ADAM10: variants seen among roughly 807,000 people sequenced by gnomAD.
ADAM10 encodes disintegrin and metalloproteinase domain-containing protein 10.
ADAM10 carries 17 observed loss-of-function variants against 90.1 expected under a neutral mutation model. The observed-to-expected ratio is 0.19, with a 90% CI of 0.13 to 0.28. The LOEUF (loss-of-function observed/expected upper bound fraction) is 0.28, where lower values mean the gene tolerates loss of function less well. ADAM10 is among the 10% of genes least tolerant of loss of function. ADAM10 has a pLI of 1.00. For synonymous variants in ADAM10, 310 were observed against 298.6 expected (o/e 1.04, Z -0.40); for missense variants, 610 against 914.3 (o/e 0.67, Z 4.29).
chr15:58,730,940 T>G (rs1899215446), intron 1 of ADAM10, among the ~76,000 whole-genome samples: 1 of 152,166 alleles, frequency 6.6e-6, no homozygotes, highest in African/African-American at 2.4e-5. Context: ...TCCCAGACAT[T>G]AAGACTAAAA....
chr15:58,682,083 A>T, intron 3 of ADAM10, 113 bp downstream of exon 3: 1 of 1,464,440 alleles, frequency 6.8e-7, no homozygotes, highest in South Asian at 1.2e-5. Context: ...TATGAATTCA[A>T]CCTCCTCTGG....
At chr15:58,598,265 G>T (rs535631090) in intron 15 of ADAM10, among the ~76,000 whole-genome samples, 29 of 152,326 alleles carry the variant, frequency 1.9e-4, no homozygotes, top group African/African-American at 6.5e-4. Flanking sequence ...CACTTAAAAT[G>T]AAACCAACAT....
At chr15:58,641,591 T>C (rs541864285) in intron 7 of ADAM10, among the ~76,000 whole-genome samples, 48 of 152,314 alleles carry the variant, frequency 3.2e-4, no homozygotes, top group African/African-American at 1.1e-3. Context: ...TTCCAGAATG[T>C]TTCTTTTGAT....
At chr15:58,655,565 A>G (rs937764861) in intron 5 of ADAM10, 1 of 150,750 alleles carries the variant, frequency 6.6e-6, no homozygotes, top group Admixed American at 6.6e-5. Flanking sequence ...ATTACAATTC[A>G]ACAGAAGGTT....
At position 58,693,410 on chromosome 15, in the gene ADAM10, T is replaced by C. The variant is rs565958150; in HGVS notation, c.207-11096A>G. ...CAGTAACCAAACAGTGGCATAAAAA[T>C]ATAGACAGATCAATGAAATGAAAGA... is the stretch of plus-strand genomic sequence containing the variant. On this transcript the variant is annotated intron_variant, in intron 2 of 15. Transcript: ENST00000260408. 4.9e-4 allele frequency among the ~76,000 whole-genome samples: 74 copies of C among 152,278 alleles called. 1 individual carries two copies. In the South Asian group the frequency reaches 0.015, roughly 31 times the overall value.
At chr15:58,744,679 G>A (rs1899728445) in intron 1 of ADAM10, among the ~76,000 whole-genome samples, 1 of 152,168 alleles carries the variant, frequency 6.6e-6, no homozygotes, top group African/African-American at 2.4e-5. Flanking sequence ...TGTGTCTACA[G>A]TAAATTTTCC....
intron 2 of ADAM10, among the ~76,000 whole-genome samples, chr15:58,688,151 G>A (rs532656839): frequency 3.0e-4 from 46 of 152,204 alleles, no homozygotes; most frequent in African/African-American, 1.0e-3. Flanking sequence ...GAACACTGAG[G>A]GAGACTGGGG....
chr15:58,637,690 CTGTG>C (rs200725964), intron 8 of ADAM10, among the ~76,000 whole-genome samples: 2 of 151,232 alleles, frequency 1.3e-5, no homozygotes, highest in Non-Finnish European at 3.0e-5. Context: ...TAAGATGTTA[CTGTG>C]TGTGTGTGTG....
At chr15:58,731,053 T>G (rs150048741) in intron 1 of ADAM10, among the ~76,000 whole-genome samples, 85 of 152,292 alleles carry the variant, frequency 5.6e-4, no homozygotes, top group African/African-American at 2.0e-3. Context: ...TAATAAATCC[T>G]CTCTCATGTA....
intron 2 of ADAM10, among the ~76,000 whole-genome samples, chr15:58,686,012 G>A (rs915996419): frequency 3.9e-5 from 6 of 152,066 alleles, no homozygotes; most frequent in Non-Finnish European, 5.9e-5. Context: ...TGAAACAACT[G>A]CTTTCAGACA....
intron 3 of ADAM10, among the ~76,000 whole-genome samples, chr15:58,681,079 G>A (rs1439669005): frequency 1.3e-5 from 2 of 152,134 alleles, no homozygotes; most frequent in African/African-American, 2.4e-5. Flanking sequence ...CCAAAGCACT[G>A]GGATTACAGG....
rs1337567439 is a variant in ADAM10, at chr15:58,596,747, GA to G, written c.*799del. ...ACCAGACATCTACATCATGAACTCT[GA>G]AGTAGTATGTGCTGCTATGTCCAGT... On this transcript the variant is annotated 3_prime_UTR_variant, in exon 16 of 16. Transcript: ENST00000260408. 1 of 152,230 alleles carries G rather than the reference GA, an allele frequency of 6.6e-6. No individual in the cohort carries two copies. Among genetic ancestry groups the G allele is most frequent in the Non-Finnish European group, 1.5e-5 (1 of 68,044 alleles). The allele number at this position is 152,230 out of a possible 1,614,324, so 9.4% of individuals were successfully genotyped here. A position where few individuals can be genotyped will look rare whatever the true frequency, so the allele number is the denominator to read the frequency against.
At chr15:58,601,365 G>C (rs996383877) in intron 14 of ADAM10, among the ~76,000 whole-genome samples, 4 of 152,112 alleles carry the variant, frequency 2.6e-5, no homozygotes, top group Admixed American at 6.5e-5. Flanking sequence ...GGAGGCTGAG[G>C]GGGGAGAATC....
rs1416043100 is a variant in ADAM10 at position 58,701,019 on chromosome 15, AAAC to A, written c.206+16555_206+16557del. On this transcript the variant is annotated intron_variant, in intron 2 of 15. Coordinates refer to ENST00000260408, the MANE Select transcript of ADAM10 (RefSeq NM_001110.4). ...AATTCCAACTTAAAAAAAAACAAAA[AAAC>A]AAAAAAAAAAAAACAGGGCAGAATT... Among the ~76,000 whole-genome samples, 5 of 130,578 alleles carry A rather than the reference AAAC, an allele frequency of 3.8e-5. 1 individual carries two copies. Among genetic ancestry groups the A allele is most frequent in the Non-Finnish European group, 4.8e-5 (3 of 62,322 alleles). 85.7% of individuals were successfully genotyped at this position (130,578 alleles called of 152,430 possible). A position where few individuals can be genotyped will look rare whatever the true frequency, so the allele number is the denominator to read the frequency against.
intron 4 of ADAM10, among the ~76,000 whole-genome samples, chr15:58,665,578 C>T (rs1897059332): frequency 6.6e-6 from 1 of 152,050 alleles, no homozygotes; most frequent in African/African-American, 2.4e-5. Flanking sequence ...TCCTGAGCTC[C>T]ATCAGGAGGA....
intron 5 of ADAM10, among the ~76,000 whole-genome samples, chr15:58,662,962 C>A (rs1897003965): frequency 6.6e-6 from 1 of 152,194 alleles, no homozygotes; most frequent in South Asian, 2.1e-4. Context: ...AATTTCGACT[C>A]CAGCCAAGAA....
intron 14 of ADAM10, among the ~76,000 whole-genome samples, chr15:58,608,607 G>A (rs558805358): frequency 2.6e-5 from 4 of 152,234 alleles, no homozygotes; most frequent in East Asian, 1.9e-4. Flanking sequence ...TAAAGTCAAC[G>A]TCTATGAACT....
At chr15:58,728,427 A>C (rs1338559385) in intron 1 of ADAM10, among the ~76,000 whole-genome samples, 1 of 152,194 alleles carries the variant, frequency 6.6e-6, no homozygotes, top group East Asian at 1.9e-4. Context: ...ACCTCAATAA[A>C]GCTGACTAGA....
intron 3 of ADAM10, among the ~76,000 whole-genome samples, chr15:58,679,732 C>G (rs1057337981): frequency 6.6e-6 from 1 of 152,068 alleles, no homozygotes; most frequent in African/African-American, 2.4e-5. Context: ...TAGCGAAACC[C>G]TGTCTCTACT....
Sources: allele counts gnomAD v4.1 joint callset (sites outside exome capture counted in the v4.1 genomes callset), GRCh38; gene constraint gnomAD v4.1.1; transcripts MANE v1.5; gene names NCBI Gene and HGNC (gene_info 2026-07-23, HGNC 2026-07-21).